RALYL: variants seen among roughly 807,000 people sequenced by gnomAD.
The protein encoded by RALYL is RNA-binding Raly-like protein.
In RALYL, 29 loss-of-function variants were observed where a neutral mutation model predicts 35.1. The observed-to-expected ratio is 0.83, with a 90% confidence interval of 0.61 to 1.13. The LOEUF (loss-of-function observed/expected upper bound fraction) is 1.13, where lower values mean the gene tolerates loss of function less well. Ranked by LOEUF, RALYL falls within the 50% of genes most tolerant of loss-of-function variation. The pLI is 0.00. For missense variants in RALYL, 359 were observed against 360.4 expected (o/e 1.00, Z 0.03); for synonymous variants, 120 against 127.6 (o/e 0.94, Z 0.40).
chr8:84,603,624 T>C (rs188728827), intron 2 of RALYL, among the ~76,000 whole-genome samples: 81 of 152,210 alleles, frequency 5.3e-4, no homozygotes, highest in African/African-American at 1.7e-3. Context: ...CACATTCACA[T>C]TGGCACATGA....
chr8:84,276,218 C>A (rs529087457), intron 1 of RALYL, among the ~76,000 whole-genome samples: 3 of 152,232 alleles, frequency 2.0e-5, no homozygotes, highest in Admixed American at 2.0e-4. Context: ...TGAGCTCTGA[C>A]ACTTATTAGC....
chr8:84,821,675 A>C (rs943733312), intron 4 of RALYL, among the ~76,000 whole-genome samples: 1 of 152,160 alleles, frequency 6.6e-6, no homozygotes, highest in African/African-American at 2.4e-5. Flanking sequence ...GCTTTTAATG[A>C]CATTTTCAAA....
At chr8:84,706,820 A>G (rs918899367) in intron 2 of RALYL, among the ~76,000 whole-genome samples, 11 of 152,012 alleles carry the variant, frequency 7.2e-5, no homozygotes, top group African/African-American at 2.2e-4. Context: ...CTTTACAATC[A>G]CCTCTCTCTA....
intron 5 of RALYL, among the ~76,000 whole-genome samples, chr8:84,855,928 G>C (rs1836871007): frequency 6.6e-6 from 1 of 152,096 alleles, no homozygotes; most frequent in South Asian, 2.1e-4. Context: ...TTTTGACTTT[G>C]TGTTAATTGA....
intron 2 of RALYL, among the ~76,000 whole-genome samples, chr8:84,696,377 G>T (rs1839151240): frequency 6.6e-6 from 1 of 151,776 alleles, no homozygotes; most frequent in African/African-American, 2.4e-5. Flanking sequence ...ATCGAATCAA[G>T]ATTAGGTAGT....
At chr8:84,279,206 A>G (rs971411659) in intron 1 of RALYL, among the ~76,000 whole-genome samples, 12 of 152,272 alleles carry the variant, frequency 7.9e-5, no homozygotes, top group Admixed American at 2.6e-4. Flanking sequence ...AGTATGGGGG[A>G]AACTGTCCCC....
At chr8:84,593,478 C>A (rs1813778365) in intron 2 of RALYL, among the ~76,000 whole-genome samples, 1 of 152,058 alleles carries the variant, frequency 6.6e-6, no homozygotes, top group Non-Finnish European at 1.5e-5. Flanking sequence ...TATCAATTGG[C>A]TTTTGTCCAG....
At chr8:84,918,905 AATT>A (rs1479430898) in intron 8 of RALYL, among the ~76,000 whole-genome samples, 1 of 152,076 alleles carries the variant, frequency 6.6e-6, no homozygotes, top group African/African-American at 2.4e-5. Context: ...TTTCCCCAAT[AATT>A]ATTTTTATGT....
intron 1 of RALYL, among the ~76,000 whole-genome samples, chr8:84,475,121 G>C (rs199851821): frequency 2.0e-5 from 3 of 151,258 alleles, no homozygotes; most frequent in Non-Finnish European, 4.4e-5. Flanking sequence ...CCAAGTGTTC[G>C]CATTGTTCAA....
intron 2 of RALYL, among the ~76,000 whole-genome samples, chr8:84,740,003 G>A (rs535725267): frequency 3.6e-4 from 54 of 152,018 alleles, no homozygotes; most frequent in African/African-American, 1.2e-3. Flanking sequence ...TATCATTAGA[G>A]AGTGGTTCCA....
At chr8:84,907,674 C>A (rs896931664) in intron 8 of RALYL, among the ~76,000 whole-genome samples, 4 of 151,916 alleles carry the variant, frequency 2.6e-5, no homozygotes, top group Admixed American at 2.6e-4. Flanking sequence ...ATGTATAGTA[C>A]CCTTTTGGTT....
chr8:84,294,609 T>C (rs1228682835), intron 1 of RALYL, among the ~76,000 whole-genome samples: 1 of 152,034 alleles, frequency 6.6e-6, no homozygotes, highest in Admixed American at 6.6e-5. Context: ...CTGGCTCTCA[T>C]AGAAAGCAAG....
intron 2 of RALYL, among the ~76,000 whole-genome samples, chr8:84,542,230 A>C (rs1432186536): frequency 6.6e-6 from 1 of 151,990 alleles, no homozygotes. Context: ...TTTTTTATAC[A>C]TCATCCGTTT....
intron 6 of RALYL, among the ~76,000 whole-genome samples, chr8:84,866,856 G>C (rs900684973): frequency 6.6e-6 from 1 of 152,068 alleles, no homozygotes; most frequent in Non-Finnish European, 1.5e-5. Context: ...AGTATTGAAG[G>C]GTTCAGATTT....
At chr8:84,223,079 C>CTTCCT (rs1450176587) in intron 1 of RALYL, among the ~76,000 whole-genome samples, 39 of 133,098 alleles carry the variant, frequency 2.9e-4, no homozygotes, top group African/African-American at 6.7e-4. Context: ...TCCCTTTGCC[C>CTTCCT]TGCCTTTCCT....
At chr8:84,404,583 T>C (rs866577500) in intron 1 of RALYL, among the ~76,000 whole-genome samples, 2 of 152,228 alleles carry the variant, frequency 1.3e-5, no homozygotes, top group African/African-American at 4.8e-5. Flanking sequence ...CAGTATTTTA[T>C]TGAGGAATTT....
chr8:84,600,849 G>A (rs1020318059), intron 2 of RALYL, among the ~76,000 whole-genome samples: 3 of 151,994 alleles, frequency 2.0e-5, no homozygotes, highest in Non-Finnish European at 4.4e-5. Flanking sequence ...TTGAAATGTC[G>A]GGTTATATTG....
At chr8:84,436,209 C>T (rs2047697001) in intron 1 of RALYL, among the ~76,000 whole-genome samples, 1 of 152,086 alleles carries the variant, frequency 6.6e-6, no homozygotes, top group East Asian at 1.9e-4. Context: ...ATATGGATGA[C>T]TAAGAGCCCT....
intron 2 of RALYL, among the ~76,000 whole-genome samples, chr8:84,654,548 T>G (rs1046287467): frequency 6.6e-6 from 1 of 151,904 alleles, no homozygotes; most frequent in Non-Finnish European, 1.5e-5. Flanking sequence ...AACTATTTTC[T>G]GTACCCATTA....
Sources: allele counts gnomAD v4.1 joint callset (sites outside exome capture counted in the v4.1 genomes callset), GRCh38; gene constraint gnomAD v4.1.1; transcripts MANE v1.5; gene names NCBI Gene and HGNC (gene_info 2026-07-23, HGNC 2026-07-21).